The following PCDHA12 variants were observed in gnomAD, a reference collection of about 807,000 sequenced individuals.
PCDHA12 encodes protocadherin alpha-12.
Under a neutral mutation model 60.0 loss-of-function variants are expected in PCDHA12, and 44 were observed. The observed-to-expected ratio is 0.73, with a 90% confidence interval of 0.58 to 0.94. The LOEUF is 0.94. PCDHA12 is among the 40% of genes least tolerant of loss of function. The pLI is 0.00. For synonymous variants in PCDHA12, 569 were observed against 553.0 expected (o/e 1.03, Z -0.40); for missense variants, 1,276 against 1,239.7 (o/e 1.03, Z -0.44).
intron 3 of PCDHA12, among the ~76,000 whole-genome samples, chr5:140,999,234 G>T (rs1327126129): frequency 1.3e-5 from 2 of 152,232 alleles, no homozygotes; most frequent in African/African-American, 4.8e-5. Context: ...AGAATAGGTG[G>T]TTAAAGTGGG....
At position 141,011,529 on chromosome 5, in the gene PCDHA12, G is replaced by A. The variant is rs2098420955; in HGVS notation, c.*1592G>A. On this transcript the variant is annotated 3_prime_UTR_variant, in exon 4 of 4. Coordinates refer to ENST00000398631, the MANE Select transcript of PCDHA12 (RefSeq NM_018903.4). ...GTGGAGTAGTGTTTTTTTAACCATT[G>A]TTAATCAGCTTTTGTGTATGAAAGA... 1.3e-5 allele frequency: 2 copies of A among 153,538 alleles called. No homozygotes were observed. The highest frequency in any genetic ancestry group is 3.9e-4 in the East Asian group (2 of 5,188). The allele number at this position is 153,538 out of a possible 1,614,324, so 9.5% of individuals were successfully genotyped here.
chr5:140,981,042 C>A (rs782145088), intron 2 of PCDHA12, among the ~76,000 whole-genome samples: 22 of 151,970 alleles, frequency 1.4e-4, no homozygotes, highest in Non-Finnish European at 2.9e-4. Flanking sequence ...GGAAAAAAAA[C>A]AGATAATTCT....
At chr5:140,957,023 G>C (rs1360382480) in intron 1 of PCDHA12, among the ~76,000 whole-genome samples, 2 of 152,100 alleles carry the variant, frequency 1.3e-5, no homozygotes, top group Non-Finnish European at 2.9e-5. Flanking sequence ...TGAGCATTTA[G>C]ATATTTATGG....
At chr5:140,993,450 CTTCT>C (rs1279887965) in intron 3 of PCDHA12, among the ~76,000 whole-genome samples, 2 of 137,074 alleles carry the variant, frequency 1.5e-5, no homozygotes, top group South Asian at 2.5e-4. Flanking sequence ...TCCTGTTCTC[CTTCT>C]TTCTTTCTCA....
rs73793550 is a variant in PCDHA12 at position 140,989,564 on chromosome 5, C to T, written c.2515+7001C>T. On this transcript the variant is annotated intron_variant, in intron 3 of 3. Transcript: ENST00000398631. ...GTAATTCCTTTACGTTTTGTGGCTC[C>T]GGCAAGCCCTGTCCTCAGCCTCACT... is the stretch of plus-strand genomic sequence containing the variant. Among the ~76,000 whole-genome samples the T allele has an allele frequency of 6.0e-3, 907 of 152,216 alleles. 13 individuals carry two copies. Among genetic ancestry groups the T allele is most frequent in the African/African-American group, 0.021 (852 of 41,530 alleles).
chr5:140,968,899 A>T (rs782594245), intron 1 of PCDHA12: 7 of 1,614,130 alleles, frequency 4.3e-6, no homozygotes, highest in Non-Finnish European at 5.1e-6. Flanking sequence ...TAATAATAGC[A>T]TTAAGCACAG....
At chr5:140,891,246 A>AT (rs1213637493) in intron 1 of PCDHA12, among the ~76,000 whole-genome samples, 11 of 151,766 alleles carry the variant, frequency 7.2e-5, no homozygotes, top group South Asian at 2.1e-4. Context: ...ATTCAGTAGG[A>AT]TTTTTTTTAA....
chr5:140,992,485 A>T (rs1234957114), intron 3 of PCDHA12, among the ~76,000 whole-genome samples: 1 of 152,208 alleles, frequency 6.6e-6, no homozygotes, highest in Non-Finnish European at 1.5e-5. Flanking sequence ...CCCAGAGGCC[A>T]ATCTGTAAGG....
intron 1 of PCDHA12, among the ~76,000 whole-genome samples, chr5:140,898,083 A>G (rs2066516404): frequency 6.6e-6 from 1 of 151,810 alleles, no homozygotes; most frequent in South Asian, 2.1e-4. Context: ...TAGATTCTGG[A>G]TATTAGCCCT....
chr5:140,884,244 T>C, intron 1 of PCDHA12: 1 of 1,613,386 alleles, frequency 6.2e-7, no homozygotes, highest in Non-Finnish European at 8.5e-7. Flanking sequence ...GAGCCCGCGC[T>C]GACGGCCACG....
At chr5:140,973,753 G>A (rs935956688) in intron 1 of PCDHA12, among the ~76,000 whole-genome samples, 1 of 152,244 alleles carries the variant, frequency 6.6e-6, no homozygotes, top group Non-Finnish European at 1.5e-5. Flanking sequence ...ACACTCTGCA[G>A]GGACACAGCC....
intron 1 of PCDHA12, chr5:140,968,987 T>C: frequency 6.2e-7 from 1 of 1,614,224 alleles, no homozygotes; most frequent in Non-Finnish European, 8.5e-7. Context: ...TGGCACTGCA[T>C]GCTGTGGAGG....
chr5:141,009,303 T>A (rs1040786824), intron 3 of PCDHA12, among the ~76,000 whole-genome samples: 16 of 152,050 alleles, frequency 1.1e-4, no homozygotes, highest in East Asian at 1.9e-4. Flanking sequence ...AAATTTTTTT[T>A]AAAAAGCTAG....
chr5:140,951,333 G>A (rs922078825), intron 1 of PCDHA12, among the ~76,000 whole-genome samples: 1 of 151,964 alleles, frequency 6.6e-6, no homozygotes, highest in African/African-American at 2.4e-5. Flanking sequence ...TCATCATTCT[G>A]TTTGTGTTAG....
intron 1 of PCDHA12, among the ~76,000 whole-genome samples, chr5:140,886,744 TG>T (rs2061111877): frequency 6.6e-6 from 1 of 150,996 alleles, no homozygotes. Flanking sequence ...GAGAATTGCT[TG>T]AACCCGGGAG....
At chr5:140,930,003 A>G (rs1440351209) in intron 1 of PCDHA12, 1 of 152,218 alleles carries the variant, frequency 6.6e-6, no homozygotes, top group Non-Finnish European at 1.5e-5. Flanking sequence ...ACCCTAAAAC[A>G]TAGCTGATAG....
intron 2 of PCDHA12, 171 bp downstream of exon 2, chr5:140,979,178 G>T: frequency 1.1e-6 from 1 of 944,140 alleles, no homozygotes; most frequent in Non-Finnish European, 1.3e-6. Flanking sequence ...GATCGCAAAT[G>T]GTCAGTGCCA....
At position 141,009,850 on chromosome 5, in the gene PCDHA12, CAAGAAAAAG is replaced by C. The variant is rs782749911; in HGVS notation, c.2754_2762del (p.Lys919_Lys921del). 6.2e-6 allele frequency: 10 copies of C among 1,613,454 alleles called. No individual in the cohort carries two copies. The highest frequency in any genetic ancestry group is 1.7e-5 in the Admixed American group (1 of 59,950). ...TAACCTTCGGCAAAAAGGAGGAGAC[CAAGAAAAAG>C]AAGAAAAAGAAGAAGGGTAACAAGA... is the stretch of plus-strand genomic sequence containing the variant. On this transcript the variant is annotated inframe_deletion, in exon 4 of 4. Coordinates refer to ENST00000398631, the MANE Select transcript of PCDHA12 (RefSeq NM_018903.4).
intron 1 of PCDHA12, chr5:140,926,987 G>T: frequency 6.2e-7 from 1 of 1,610,996 alleles, no homozygotes; most frequent in African/African-American, 1.3e-5. Context: ...GAGACGGAGC[G>T]GGGCGTAGCC....
Sources: gnomAD v4.1 joint callset for allele counts (sites outside exome capture counted in the v4.1 genomes callset) on GRCh38, gnomAD v4.1.1 for gene constraint, MANE v1.5 for transcripts, NCBI Gene and HGNC (gene_info 2026-07-23, HGNC 2026-07-21) for gene names.